Variants in DCDC1 observed in about 807,000 individuals in gnomAD.
The protein encoded by DCDC1 is doublecortin domain containing 1.
DCDC1 carries 200 observed loss-of-function variants against 178.3 expected under a neutral mutation model. The ratio of observed to expected loss-of-function variants is 1.12; its 90% CI spans 1.00 to 1.26. DCDC1 has a LOEUF of 1.26. Ranked by LOEUF, DCDC1 falls within the 50% of genes most tolerant of loss-of-function variation. DCDC1 has a pLI of 0.00. For missense variants in DCDC1, 1,983 were observed against 1,749.2 expected, an observed-to-expected ratio of 1.13 and a Z score of -2.38; for synonymous variants, 690 against 604.8, an observed-to-expected ratio of 1.14 and a Z score of -2.07.
At chr11:31,188,387 T>C (rs1231170023) in intron 9 of DCDC1, among the ~76,000 whole-genome samples, 2 of 152,188 alleles carry the variant, frequency 1.3e-5, no homozygotes, top group East Asian at 3.8e-4. Flanking sequence ...TTAGTGCATC[T>C]ACGCATCAGG....
chr11:31,157,371 A>AT (rs1279470323), intron 9 of DCDC1, among the ~76,000 whole-genome samples: 1,224 of 103,310 alleles, frequency 0.012, 2 homozygotes, highest in South Asian at 0.017. Context: ...AAAAAAAAAA[A>AT]AATATATATA....
chr11:31,282,403 T>G (rs181900734), intron 7 of DCDC1, among the ~76,000 whole-genome samples: 18 of 151,434 alleles, frequency 1.2e-4, no homozygotes, highest in African/African-American at 4.3e-4. Flanking sequence ...ATATATAATG[T>G]CTATTAAAGG....
intron 9 of DCDC1, among the ~76,000 whole-genome samples, chr11:31,202,181 G>A (rs1971363179): frequency 6.6e-6 from 1 of 152,168 alleles, no homozygotes; most frequent in African/African-American, 2.4e-5. Context: ...GGTCTCCACT[G>A]CAGTCACAAG....
intron 9 of DCDC1, among the ~76,000 whole-genome samples, chr11:31,216,451 G>A (rs1222866781): frequency 6.6e-6 from 1 of 151,722 alleles, no homozygotes; most frequent in African/African-American, 2.4e-5. Context: ...TTGTTCAGCT[G>A]AAGTGGCAAA....
At chr11:30,888,036 A>C (rs868099560) in intron 36 of DCDC1, among the ~76,000 whole-genome samples, 1 of 67,854 alleles carries the variant, frequency 1.5e-5, no homozygotes, top group Admixed American at 1.6e-4. Flanking sequence ...GAGAGAGAGA[A>C]AGAAAGAAAG....
rs191083897 is a variant in DCDC1, at chr11:31,005,115, C to T, written c.2592-52547G>A. Among the ~76,000 whole-genome samples the T allele has an allele frequency of 1.4e-3, 213 of 152,170 alleles. 3 individuals are homozygous for T. The highest frequency in any genetic ancestry group is 2.1e-3 in the Non-Finnish European group (143 of 68,002). ...CTATTTCTGTTATTTACGTATGTTA[C>T]CTCTATTTTGGTCAATTTAACAACA... On this transcript the variant is annotated intron_variant, in intron 20 of 38. Transcript: ENST00000684477.
At chr11:31,332,061 G>C (rs942688630) in intron 2 of DCDC1, among the ~76,000 whole-genome samples, 3 of 152,150 alleles carry the variant, frequency 2.0e-5, no homozygotes, top group African/African-American at 7.2e-5. Flanking sequence ...TTGAGAGCCT[G>C]TTATTGGTCT....
At chr11:31,142,399 T>C (rs1963930976) in intron 9 of DCDC1, among the ~76,000 whole-genome samples, 1 of 152,122 alleles carries the variant, frequency 6.6e-6, no homozygotes, top group Non-Finnish European at 1.5e-5. Context: ...GGTCAACATA[T>C]CAAATAAATG....
rs534671649 is a variant in DCDC1 at position 30,904,798 on chromosome 11, A to C, written c.4308+163T>G. The C allele has an allele frequency of 2.7e-5, 22 of 803,602 alleles. No homozygotes were observed. In the South Asian group the frequency reaches 3.8e-4, roughly 14 times the overall value. The allele number at this position is 803,602 out of a possible 1,614,324, so 49.8% of individuals were successfully genotyped here. A position where few individuals can be genotyped will look rare whatever the true frequency, so the allele number is the denominator to read the frequency against. Reference sequence around the variant, plus strand: ...TCTGTATCCACTGACATACAATCAAATAAAATGTCTTTAAGTAAACAGAGA... The same window carrying C: ...TCTGTATCCACTGACATACAATCAACTAAAATGTCTTTAAGTAAACAGAGA... On this transcript the variant is annotated intron_variant, in intron 31 of 38. Coordinates refer to ENST00000684477, the MANE Select transcript of DCDC1 (RefSeq NM_001387274.1).
intron 9 of DCDC1, among the ~76,000 whole-genome samples, chr11:31,155,360 T>G (rs188322294): frequency 6.6e-6 from 1 of 152,340 alleles, no homozygotes; most frequent in East Asian, 1.9e-4. Context: ...GCTGGCACTG[T>G]CTCACTTATC....
intron 20 of DCDC1, among the ~76,000 whole-genome samples, chr11:31,028,923 G>A (rs763891507): frequency 2.0e-5 from 3 of 151,964 alleles, no homozygotes; most frequent in Admixed American, 6.6e-5. Context: ...AAGTCAACAC[G>A]CTTTCAGTTT....
chr11:31,132,972 C>T (rs188616423), intron 10 of DCDC1, among the ~76,000 whole-genome samples: 1 of 152,282 alleles, frequency 6.6e-6, no homozygotes, highest in Non-Finnish European at 1.5e-5. Context: ...TTTTGCATAA[C>T]ATGTAGGGCA....
At chr11:30,940,693 C>A (rs1947584893) in intron 21 of DCDC1, among the ~76,000 whole-genome samples, 1 of 152,056 alleles carries the variant, frequency 6.6e-6, no homozygotes, top group Non-Finnish European at 1.5e-5. Context: ...TTTCAAAGAA[C>A]CTAAATTTGA....
chr11:31,085,852 G>A (rs1293084178), intron 17 of DCDC1, among the ~76,000 whole-genome samples: 2 of 151,794 alleles, frequency 1.3e-5, no homozygotes, highest in African/African-American at 4.8e-5. Context: ...AGACTACAGG[G>A]GCACACAACC....
chr11:31,082,089 G>T (rs1194421693), intron 17 of DCDC1, among the ~76,000 whole-genome samples: 1 of 151,774 alleles, frequency 6.6e-6, no homozygotes, highest in Non-Finnish European at 1.5e-5. Flanking sequence ...AAGCTAAAAA[G>T]ATTTTTTAAA....
intron 8 of DCDC1, among the ~76,000 whole-genome samples, chr11:31,245,325 C>A (rs1368766254): frequency 1.3e-5 from 2 of 151,362 alleles, no homozygotes; most frequent in African/African-American, 4.8e-5. Flanking sequence ...GAAAGCAGTG[C>A]TCAACAAATG....
intron 25 of DCDC1, among the ~76,000 whole-genome samples, chr11:30,918,022 A>C (rs1477314782): frequency 6.6e-6 from 1 of 151,548 alleles, no homozygotes; most frequent in Non-Finnish European, 1.5e-5. Context: ...GCGGCTTCTG[A>C]AGGCAAACCT....
intron 1 of DCDC1, among the ~76,000 whole-genome samples, chr11:31,349,330 G>A (rs1206704396): frequency 6.6e-6 from 1 of 152,086 alleles, no homozygotes; most frequent in Non-Finnish European, 1.5e-5. Flanking sequence ...CCCTCCAAAT[G>A]TGTTTTCCCT....
At chr11:30,971,603 G>GTTTTT (rs71060475) in intron 20 of DCDC1, among the ~76,000 whole-genome samples, 81 of 83,556 alleles carry the variant, frequency 9.7e-4, no homozygotes, top group East Asian at 1.6e-3. Flanking sequence ...ACAGGCCTTT[G>GTTTTT]TTTTTTTTTT....
Sources: gnomAD v4.1 joint callset for allele counts (sites outside exome capture counted in the v4.1 genomes callset) on GRCh38, gnomAD v4.1.1 for gene constraint, MANE v1.5 for transcripts, NCBI Gene and HGNC (gene_info 2026-07-23, HGNC 2026-07-21) for gene names.